The following PACRG variants were observed in gnomAD, a reference collection of about 807,000 sequenced individuals.
The protein encoded by PACRG is parkin coregulated gene protein.
PACRG carries 29 observed loss-of-function variants against 29.7 expected under a neutral mutation model. The ratio of observed to expected loss-of-function variants is 0.98; its 90% CI spans 0.73 to 1.33. The LOEUF is 1.33. Ranked by LOEUF, PACRG falls within the 40% of genes most tolerant of loss-of-function variation. The pLI, the probability that PACRG is intolerant of heterozygous loss-of-function variation, is 0.00. For missense variants in PACRG, 279 were observed against 316.2 expected (o/e 0.88, Z 0.89); for synonymous variants, 116 against 118.7 (o/e 0.98, Z 0.15).
intron 1 of PACRG, among the ~76,000 whole-genome samples, chr6:162,740,957 T>G (rs1243571957): frequency 6.6e-6 from 1 of 152,204 alleles, no homozygotes; most frequent in Non-Finnish European, 1.5e-5. Context: ...GGAAGTAGTA[T>G]TGAATTTTAT....
At chr6:162,926,826 G>A (rs1797474517) in intron 2 of PACRG, among the ~76,000 whole-genome samples, 1 of 152,102 alleles carries the variant, frequency 6.6e-6, no homozygotes, top group African/African-American at 2.4e-5. Context: ...AAACTAAAGA[G>A]CTTCTGCACA....
intron 3 of PACRG, among the ~76,000 whole-genome samples, chr6:163,082,539 T>A (rs73591801): frequency 1.3e-5 from 2 of 152,172 alleles, no homozygotes; most frequent in Non-Finnish European, 2.9e-5. Flanking sequence ...TATTGATAAT[T>A]TTTTAGAAAG....
chr6:162,996,775 G>T (rs370281183), intron 2 of PACRG, among the ~76,000 whole-genome samples: 6 of 152,086 alleles, frequency 3.9e-5, no homozygotes, highest in African/African-American at 1.4e-4. Context: ...AACATTATGG[G>T]CACTCTACTC....
chr6:163,155,572 G>A (rs1778278563), intron 4 of PACRG, among the ~76,000 whole-genome samples: 1 of 152,204 alleles, frequency 6.6e-6, no homozygotes, highest in Non-Finnish European at 1.5e-5. Flanking sequence ...AAACTTTTTG[G>A]AGTGCCATGT....
At chr6:163,215,413 C>T (rs913782184) in intron 4 of PACRG, among the ~76,000 whole-genome samples, 2 of 152,124 alleles carry the variant, frequency 1.3e-5, no homozygotes, top group African/African-American at 4.8e-5. Context: ...TTATATTGTT[C>T]TGTTTTCTGT....
chr6:162,910,100 A>G (rs939753218), intron 2 of PACRG, among the ~76,000 whole-genome samples: 49 of 152,182 alleles, frequency 3.2e-4, no homozygotes, highest in Non-Finnish European at 5.9e-5. Flanking sequence ...GTTTTCTCAT[A>G]TGTAAAAAGA....
At chr6:163,080,766 G>A (rs992345443) in intron 3 of PACRG, among the ~76,000 whole-genome samples, 1 of 152,072 alleles carries the variant, frequency 6.6e-6, no homozygotes, top group Admixed American at 6.6e-5. Flanking sequence ...ACTTGTAATG[G>A]CAAAACTTTG....
intron 2 of PACRG, among the ~76,000 whole-genome samples, chr6:162,857,151 C>T (rs185836626): frequency 7.0e-4 from 106 of 152,236 alleles, no homozygotes; most frequent in African/African-American, 2.2e-3. Context: ...CTTTGAGCTC[C>T]GGAATAGCAA....
rs1277462899 is a variant in PACRG, at chr6:162,798,084, G to A, written c.157-16063G>A. Among the ~76,000 whole-genome samples, 4 of 152,154 alleles carry A rather than the reference G, an allele frequency of 2.6e-5. No individual in the cohort carries two copies. In the South Asian group the frequency reaches 8.3e-4, roughly 31 times the overall value. ...TTTCTTATAGTAACTTTGATATTGT[G>A]CTAGGTCCCACTTTAATACTTACTG... On this transcript the variant is annotated intron_variant, in intron 1 of 4. Transcript: ENST00000366888.
At chr6:163,114,119 G>T (rs990115522) in intron 4 of PACRG, among the ~76,000 whole-genome samples, 1 of 152,152 alleles carries the variant, frequency 6.6e-6, no homozygotes, top group African/African-American at 2.4e-5. Context: ...GCATGGTGGT[G>T]CGCCCCTGTA....
intron 4 of PACRG, among the ~76,000 whole-genome samples, chr6:163,199,370 C>T (rs1351142705): frequency 6.6e-6 from 1 of 152,194 alleles, no homozygotes; most frequent in African/African-American, 2.4e-5. Flanking sequence ...AGGACAGAGG[C>T]TCCTCCAGGG....
At chr6:162,737,803 T>C (rs1014164165) in intron 1 of PACRG, among the ~76,000 whole-genome samples, 1 of 152,164 alleles carries the variant, frequency 6.6e-6, no homozygotes, top group Non-Finnish European at 1.5e-5. Context: ...ATGATCATTG[T>C]ATAACAGTCT....
At chr6:162,925,887 C>T (rs761561206) in intron 2 of PACRG, among the ~76,000 whole-genome samples, 3 of 151,918 alleles carry the variant, frequency 2.0e-5, no homozygotes, top group Non-Finnish European at 4.4e-5. Flanking sequence ...ACGACATGAT[C>T]CTCCTATATC....
At chr6:163,081,747 C>A (rs572189061) in intron 3 of PACRG, among the ~76,000 whole-genome samples, 1 of 152,078 alleles carries the variant, frequency 6.6e-6, no homozygotes, top group Admixed American at 6.5e-5. Context: ...CAGAGTAAAA[C>A]CCTGTCTCAG....
rs192892888 is a variant in PACRG, at chr6:163,201,171, A to G, written c.613+111763A>G. Among the ~76,000 whole-genome samples the G allele has an allele frequency of 6.3e-4, 96 of 152,376 alleles. 1 individual carries two copies. In the South Asian group the frequency reaches 0.017, roughly 27 times the overall value. On this transcript the variant is annotated intron_variant, in intron 4 of 4. Coordinates refer to ENST00000366888, the MANE Select transcript of PACRG (RefSeq NM_001080379.2). Reference sequence around the variant, plus strand: ...GAAAAAATATTTTTAAAGCAGTATTACAAGAAGAAAGTGAATACTTAAGCG... The same window carrying G: ...GAAAAAATATTTTTAAAGCAGTATTGCAAGAAGAAAGTGAATACTTAAGCG...
intron 4 of PACRG, among the ~76,000 whole-genome samples, chr6:163,271,790 A>G (rs758193842): frequency 5.9e-5 from 9 of 152,198 alleles, no homozygotes; most frequent in African/African-American, 1.2e-4. Flanking sequence ...TTTGAGACCA[A>G]TATGTCTAAT....
intron 4 of PACRG, among the ~76,000 whole-genome samples, chr6:163,154,417 T>A (rs1778229570): frequency 6.6e-6 from 1 of 152,210 alleles, no homozygotes; most frequent in East Asian, 1.9e-4. Context: ...TCTTAAAGAT[T>A]ACAGACCCTT....
chr6:162,984,381 T>C (rs1802697259), intron 2 of PACRG, among the ~76,000 whole-genome samples: 1 of 152,052 alleles, frequency 6.6e-6, no homozygotes, highest in Non-Finnish European at 1.5e-5. Context: ...TAGTATTTCA[T>C]GGTATATGCA....
chr6:162,995,325 CG>C (rs1803897194), intron 2 of PACRG, among the ~76,000 whole-genome samples: 1 of 150,650 alleles, frequency 6.6e-6, no homozygotes, highest in South Asian at 2.1e-4. Flanking sequence ...CAATGGCGGG[CG>C]CCCCTCCCCC....
Sources: gnomAD v4.1 joint callset for allele counts (sites outside exome capture counted in the v4.1 genomes callset) on GRCh38, gnomAD v4.1.1 for gene constraint, MANE v1.5 for transcripts, NCBI Gene and HGNC (gene_info 2026-07-23, HGNC 2026-07-21) for gene names.